FOXP1: variants seen among roughly 807,000 people sequenced by gnomAD.
The protein encoded by FOXP1 is forkhead box P1, also known as forkhead box protein P1.
Under a neutral mutation model 98.2 loss-of-function variants are expected in FOXP1, and 15 were observed. That is an observed-to-expected ratio of 0.15 (90% CI 0.10 to 0.24). The LOEUF is 0.24. Ranked by LOEUF, FOXP1 falls within the 10% of genes least tolerant of loss-of-function variation. FOXP1 has a pLI of 1.00. For missense variants in FOXP1, 633 were observed against 848.5 expected (o/e 0.75, Z 3.15); for synonymous variants, 371 against 314.5 (o/e 1.18, Z -1.90).
chr3:71,161,749 GA>G (rs2061148033), intron 6 of FOXP1, among the ~76,000 whole-genome samples: 1 of 152,204 alleles, frequency 6.6e-6, no homozygotes, highest in Admixed American at 6.5e-5. Context: ...ACCAAATTTT[GA>G]TGAGTGGGAT....
intron 5 of FOXP1, among the ~76,000 whole-genome samples, chr3:71,220,606 A>G (rs1268055396): frequency 6.6e-6 from 1 of 151,442 alleles, no homozygotes; most frequent in Admixed American, 6.6e-5. Flanking sequence ...AAAAAAAATT[A>G]GCCAGGTGTG....
chr3:71,026,975 G>C (rs2046209558), intron 11 of FOXP1, among the ~76,000 whole-genome samples: 1 of 152,212 alleles, frequency 6.6e-6, no homozygotes, highest in South Asian at 2.1e-4. Context: ...TCCATCTTTT[G>C]TTTCTGACAC....
At chr3:70,982,076 A>G (rs1474369935) in intron 14 of FOXP1, among the ~76,000 whole-genome samples, 1 of 152,202 alleles carries the variant, frequency 6.6e-6, no homozygotes, top group Non-Finnish European at 1.5e-5. Context: ...GAAGGTTGAG[A>G]GAGAAAGAAT....
intron 6 of FOXP1, among the ~76,000 whole-genome samples, chr3:71,146,887 C>A (rs932241693): frequency 1.3e-5 from 2 of 152,212 alleles, no homozygotes; most frequent in African/African-American, 4.8e-5. Flanking sequence ...CGGCTCTGAG[C>A]ACAGCGCGGG....
intron 3 of FOXP1, among the ~76,000 whole-genome samples, chr3:71,438,158 T>G (rs1033332156): frequency 3.3e-5 from 5 of 152,182 alleles, no homozygotes; most frequent in Non-Finnish European, 4.4e-5. Context: ...GCACAGGAAT[T>G]ACAGGAATGG....
At chr3:71,305,318 G>C (rs1438030315) in intron 4 of FOXP1, among the ~76,000 whole-genome samples, 1 of 152,148 alleles carries the variant, frequency 6.6e-6, no homozygotes, top group Non-Finnish European at 1.5e-5. Flanking sequence ...GTGGGGCCAA[G>C]AGGCTGTCAT....
chr3:71,218,801 A>C (rs1462093749), intron 5 of FOXP1, among the ~76,000 whole-genome samples: 1 of 152,142 alleles, frequency 6.6e-6, no homozygotes, highest in Admixed American at 6.5e-5. Context: ...CCCTACTCTC[A>C]AGCACTATCC....
At chr3:71,262,958 G>A (rs973572496) in intron 5 of FOXP1, among the ~76,000 whole-genome samples, 1 of 152,162 alleles carries the variant, frequency 6.6e-6, no homozygotes, top group South Asian at 2.1e-4. Flanking sequence ...TTGGCAAAAC[G>A]GCTAGCCCTT....
intron 6 of FOXP1, among the ~76,000 whole-genome samples, chr3:71,185,022 A>AT (rs2062562935): frequency 6.6e-6 from 1 of 152,042 alleles, no homozygotes; most frequent in Admixed American, 6.6e-5. Context: ...ATGAAACCCC[A>AT]TCTCTACTAA....
intron 6 of FOXP1, among the ~76,000 whole-genome samples, chr3:71,144,795 C>T (rs922384606): frequency 3.3e-5 from 5 of 152,114 alleles, no homozygotes; most frequent in Admixed American, 6.5e-5. Context: ...AGAAGGCCTC[C>T]ACCACCCCCC....
chr3:71,323,138 T>G (rs962662028), intron 4 of FOXP1, among the ~76,000 whole-genome samples: 1 of 152,082 alleles, frequency 6.6e-6, no homozygotes, highest in Non-Finnish European at 1.5e-5. Context: ...GTCTGGCTAA[T>G]TTTTGTATTT....
At chr3:71,435,149 G>A (rs1164023752) in intron 3 of FOXP1, among the ~76,000 whole-genome samples, 4 of 143,794 alleles carry the variant, frequency 2.8e-5, no homozygotes, top group African/African-American at 1.1e-4. Context: ...GGATGAGGAG[G>A]AGAGGAAGGA....
intron 5 of FOXP1, among the ~76,000 whole-genome samples, chr3:71,214,365 T>C (rs1178726113): frequency 3.3e-5 from 5 of 151,970 alleles, no homozygotes; most frequent in Non-Finnish European, 7.4e-5. Flanking sequence ...CCTGAATAGG[T>C]AGAACAGGTA....
intron 4 of FOXP1, among the ~76,000 whole-genome samples, chr3:71,303,142 A>G (rs2073990354): frequency 6.6e-6 from 1 of 152,036 alleles, no homozygotes; most frequent in South Asian, 2.1e-4. Context: ...CATTTATAGT[A>G]TTTCCCCCTT....
At chr3:70,973,029 A>G (rs1353811733) in intron 17 of FOXP1, among the ~76,000 whole-genome samples, 1 of 152,206 alleles carries the variant, frequency 6.6e-6, no homozygotes, top group Non-Finnish European at 1.5e-5. Context: ...GCCCTTTTTA[A>G]GCCCACCTAC....
At chr3:70,966,103 A>C in intron 19 of FOXP1, 47 bp from the exon 20 acceptor site, 1 of 1,492,782 alleles carries the variant, frequency 6.7e-7, no homozygotes, top group South Asian at 1.1e-5. Flanking sequence ...GGTATGTAAG[A>C]CAAGGAAACT....
chr3:71,203,867 T>A (rs773107203), intron 5 of FOXP1, among the ~76,000 whole-genome samples: 2 of 150,594 alleles, frequency 1.3e-5, no homozygotes, highest in Non-Finnish European at 2.9e-5. Context: ...TCATTGTTCA[T>A]CCATGTGCAG....
At chr3:71,106,362 G>A (rs1008168575) in intron 7 of FOXP1, among the ~76,000 whole-genome samples, 1 of 152,212 alleles carries the variant, frequency 6.6e-6, no homozygotes, top group Non-Finnish European at 1.5e-5. Flanking sequence ...TTTTGAGACA[G>A]AGTCTCGCTG....
intron 3 of FOXP1, among the ~76,000 whole-genome samples, chr3:71,455,051 A>G (rs1217402360): frequency 6.6e-6 from 1 of 152,208 alleles, no homozygotes; most frequent in Non-Finnish European, 1.5e-5. Flanking sequence ...CCTAAAGTGA[A>G]TGAGGCGGGG....
Sources: allele counts gnomAD v4.1 joint callset (sites outside exome capture counted in the v4.1 genomes callset), GRCh38; gene constraint gnomAD v4.1.1; transcripts MANE v1.5; gene names NCBI Gene and HGNC (gene_info 2026-07-23, HGNC 2026-07-21).